The following RREB1 variants were observed in gnomAD, a reference collection of about 807,000 sequenced individuals.
RREB1 encodes the protein ras-responsive element-binding protein 1.
RREB1 carries 27 observed loss-of-function variants against 117.8 expected under a neutral mutation model. That is an observed-to-expected ratio of 0.23 (90% CI 0.17 to 0.32). The LOEUF (loss-of-function observed/expected upper bound fraction) is 0.32, where lower values mean the gene tolerates loss of function less well. Among genes scored for constraint, RREB1 ranks in the 10% least tolerant of loss-of-function variants. The pLI, the probability that RREB1 is intolerant of heterozygous loss-of-function variation, is 1.00. For missense variants in RREB1, 2,577 were observed against 2,378.2 expected (o/e 1.08, Z -1.74); for synonymous variants, 1,298 against 1,026.7 (o/e 1.26, Z -5.05).
chr6:7,156,621 GA>G (rs1763376614), intron 1 of RREB1, among the ~76,000 whole-genome samples: 1 of 152,206 alleles, frequency 6.6e-6, no homozygotes, highest in Non-Finnish European at 1.5e-5. Flanking sequence ...TCCTTTTGGA[GA>G]CCTGGTGCCC....
At chr6:7,236,245 A>T (rs1238896951) in intron 10 of RREB1, among the ~76,000 whole-genome samples, 1 of 152,080 alleles carries the variant, frequency 6.6e-6, no homozygotes, top group Non-Finnish European at 1.5e-5. Flanking sequence ...CCTTTGCTCC[A>T]GTTCCTTGTC....
intron 1 of RREB1, among the ~76,000 whole-genome samples, chr6:7,119,662 G>A (rs1194929883): frequency 6.6e-6 from 1 of 152,214 alleles, no homozygotes; most frequent in Non-Finnish European, 1.5e-5. Context: ...CAGGGATGGT[G>A]CGGTAGATAA....
intron 1 of RREB1, among the ~76,000 whole-genome samples, chr6:7,174,922 ATTTAT>A (rs1323674000): frequency 1.3e-5 from 2 of 151,814 alleles, no homozygotes; most frequent in Non-Finnish European, 2.9e-5. Context: ...TTATTTATTT[ATTTAT>A]TTTAATTTTT....
At chr6:7,154,446 CTAA>C (rs1763266046) in intron 1 of RREB1, among the ~76,000 whole-genome samples, 1 of 152,152 alleles carries the variant, frequency 6.6e-6, no homozygotes, top group African/African-American at 2.4e-5. Context: ...ACGTGAAGGA[CTAA>C]TAGACACTTG....
chr6:7,111,678 T>C (rs1424343985), intron 1 of RREB1, among the ~76,000 whole-genome samples: 3 of 152,246 alleles, frequency 2.0e-5, no homozygotes, highest in Non-Finnish European at 2.9e-5. Context: ...GGTTTTGTTA[T>C]TATATTTAAA....
intron 1 of RREB1, among the ~76,000 whole-genome samples, chr6:7,175,112 CT>C (rs1000167710): frequency 8.6e-5 from 13 of 151,796 alleles, no homozygotes; most frequent in East Asian, 3.9e-4. Flanking sequence ...AGAATAACTG[CT>C]TTTTTTTAAG....
intron 1 of RREB1, among the ~76,000 whole-genome samples, chr6:7,173,523 T>A (rs1463729995): frequency 6.7e-6 from 1 of 149,762 alleles, no homozygotes; most frequent in Non-Finnish European, 1.5e-5. Flanking sequence ...AAAAAAGAAC[T>A]CTCAGGTTTT....
At chr6:7,157,018 G>C (rs1237851934) in intron 1 of RREB1, among the ~76,000 whole-genome samples, 1 of 152,186 alleles carries the variant, frequency 6.6e-6, no homozygotes, top group African/African-American at 2.4e-5. Flanking sequence ...CTGCCGCTGG[G>C]CTGCCTTGCC....
intron 1 of RREB1, among the ~76,000 whole-genome samples, chr6:7,127,076 A>G (rs559225328): frequency 5.5e-4 from 84 of 152,284 alleles, no homozygotes; most frequent in African/African-American, 1.9e-3. Context: ...GGCTTAGTTG[A>G]GGACAGGGTA....
At chr6:7,179,893 C>G (rs1470241288) in intron 2 of RREB1, among the ~76,000 whole-genome samples, 1 of 151,916 alleles carries the variant, frequency 6.6e-6, no homozygotes, top group East Asian at 1.9e-4. Context: ...TCGAGTTGAC[C>G]CTCCCACCTT....
At chr6:7,208,584 T>G (rs980869309) in intron 6 of RREB1, among the ~76,000 whole-genome samples, 1 of 152,220 alleles carries the variant, frequency 6.6e-6, no homozygotes, top group Non-Finnish European at 1.5e-5. Flanking sequence ...GTGGGAGAAC[T>G]GGAGTGAGCC....
chr6:7,163,663 G>A (rs1581474701), intron 1 of RREB1, among the ~76,000 whole-genome samples: 1 of 152,164 alleles, frequency 6.6e-6, no homozygotes, highest in African/African-American at 2.4e-5. Flanking sequence ...CAAAGTGCTG[G>A]GATTACAGGC....
At chr6:7,128,248 G>C (rs773783441) in intron 1 of RREB1, among the ~76,000 whole-genome samples, 5 of 152,106 alleles carry the variant, frequency 3.3e-5, no homozygotes, top group Non-Finnish European at 5.9e-5. Context: ...ATGATTTTCC[G>C]AATTGTTGGC....
At chr6:7,189,347 G>A (rs1178146583) in intron 6 of RREB1, 25 bp downstream of exon 6, 6 of 1,547,876 alleles carry the variant, frequency 3.9e-6, no homozygotes, top group Non-Finnish European at 4.4e-6. Flanking sequence ...CCTTTGCTTG[G>A]GGGGTTGGCT....
At chr6:7,200,400 G>T (rs541936785) in intron 6 of RREB1, among the ~76,000 whole-genome samples, 1 of 151,904 alleles carries the variant, frequency 6.6e-6, no homozygotes, top group Non-Finnish European at 1.5e-5. Flanking sequence ...CTCCCGAGTA[G>T]CTGGGATAAC....
At chr6:7,109,673 C>T (rs1328945744) in intron 1 of RREB1, among the ~76,000 whole-genome samples, 2 of 152,238 alleles carry the variant, frequency 1.3e-5, no homozygotes, top group African/African-American at 4.8e-5. Flanking sequence ...AGCAGATTTG[C>T]CCTCCCTCGC....
At chr6:7,111,138 A>T (rs184230096) in intron 1 of RREB1, among the ~76,000 whole-genome samples, 1 of 152,380 alleles carries the variant, frequency 6.6e-6, no homozygotes, top group Admixed American at 6.5e-5. Flanking sequence ...GTATTAGTCC[A>T]GCATCTGATC....
intron 1 of RREB1, among the ~76,000 whole-genome samples, chr6:7,109,257 C>A (rs1048004671): frequency 6.6e-6 from 1 of 152,008 alleles, no homozygotes; most frequent in Non-Finnish European, 1.5e-5. Flanking sequence ...TGCTGCCCCC[C>A]CCGCCCCCAA....
intron 4 of RREB1, 112 bp from the exon 5 acceptor site, chr6:7,187,322 C>A: frequency 1.9e-6 from 1 of 514,978 alleles, no homozygotes; most frequent in South Asian, 4.3e-5. Flanking sequence ...GGTTCTGGAG[C>A]CCATGCTCTC....
Sources: allele counts gnomAD v4.1 joint callset (sites outside exome capture counted in the v4.1 genomes callset), GRCh38; gene constraint gnomAD v4.1.1; transcripts MANE v1.5; gene names NCBI Gene and HGNC (gene_info 2026-07-23, HGNC 2026-07-21).